Variants in DPF3 observed in about 807,000 individuals in gnomAD.
The protein encoded by DPF3 is zinc finger protein DPF3.
Under a neutral mutation model 56.8 loss-of-function variants are expected in DPF3, and 18 were observed. The observed-to-expected ratio is 0.32, with a 90% CI of 0.22 to 0.47. The LOEUF (loss-of-function observed/expected upper bound fraction) is 0.47, where lower values mean the gene tolerates loss of function less well. Ranked by LOEUF, DPF3 falls within the 20% of genes least tolerant of loss-of-function variation. DPF3 has a pLI of 1.00. For synonymous variants in DPF3, 188 were observed against 180.2 expected, an observed-to-expected ratio of 1.04 and a Z score of -0.35; for missense variants, 403 against 488.8, an observed-to-expected ratio of 0.82 and a Z score of 1.65.
At chr14:72,625,404 C>A (rs1266032678) in intron 9 of DPF3, among the ~76,000 whole-genome samples, 2 of 152,098 alleles carry the variant, frequency 1.3e-5, no homozygotes, top group African/African-American at 4.8e-5. Flanking sequence ...CTTCCTGTGT[C>A]CTCTAGACGC....
chr14:72,804,229 A>ACACG (rs1893001757), intron 1 of DPF3, among the ~76,000 whole-genome samples: 1 of 150,834 alleles, frequency 6.6e-6, no homozygotes, highest in South Asian at 2.1e-4. Flanking sequence ...ACACACGCAG[A>ACACG]CAAAGATTCC....
intron 7 of DPF3, among the ~76,000 whole-genome samples, chr14:72,674,756 G>A (rs1886838529): frequency 6.6e-6 from 1 of 152,248 alleles, no homozygotes; most frequent in South Asian, 2.1e-4. Context: ...CATGGTGTGA[G>A]GACAGGGAGA....
intron 1 of DPF3, among the ~76,000 whole-genome samples, chr14:72,876,039 TGAA>T (rs111949272): frequency 0.5 from 76,058 of 151,846 alleles, 20,082 homozygotes; most frequent in East Asian, 0.73. Context: ...TGGTTGTTGT[TGAA>T]GAAGAAGAAG....
chr14:72,800,785 G>A (rs116015797), intron 1 of DPF3, among the ~76,000 whole-genome samples: 2 of 32,026 alleles, frequency 6.2e-5, no homozygotes, highest in African/African-American at 1.2e-4. Flanking sequence ...TGGATGCATG[G>A]GTGGATGCAG....
At chr14:72,749,947 G>C (rs1890497726) in intron 3 of DPF3, among the ~76,000 whole-genome samples, 10 of 152,144 alleles carry the variant, frequency 6.6e-5, no homozygotes, top group Admixed American at 6.5e-4. Context: ...TGAGCACCTG[G>C]ATGTAGCTAT....
chr14:72,735,011 A>C (rs1178017661), intron 3 of DPF3, among the ~76,000 whole-genome samples: 1 of 152,166 alleles, frequency 6.6e-6, no homozygotes, highest in East Asian at 1.9e-4. Context: ...CAGCTTATAG[A>C]GGTTGAGAAC....
At chr14:72,750,345 A>G (rs73302126) in intron 3 of DPF3, among the ~76,000 whole-genome samples, 2,784 of 152,290 alleles carry the variant, frequency 0.018, 75 homozygotes, top group African/African-American at 0.064. Flanking sequence ...GTATAGTGCT[A>G]AAAGTCTTTG....
At chr14:72,708,819 T>C (rs568073121) in intron 6 of DPF3, among the ~76,000 whole-genome samples, 1 of 152,196 alleles carries the variant, frequency 6.6e-6, no homozygotes, top group African/African-American at 2.4e-5. Flanking sequence ...GCTCCCTTCA[T>C]GTCCTCCAGA....
chr14:72,855,492 G>T (rs985147166), intron 1 of DPF3, among the ~76,000 whole-genome samples: 2 of 152,188 alleles, frequency 1.3e-5, no homozygotes, highest in African/African-American at 4.8e-5. Context: ...TCTGTTTAGT[G>T]CATTGAAATG....
chr14:72,777,065 G>A lies in DPF3; in HGVS notation c.33-5172C>T, dbSNP rs543165137. Among the ~76,000 whole-genome samples the A allele has an allele frequency of 2.3e-4, 35 of 152,280 alleles. No homozygotes were observed. The South Asian group carries it at 4.6e-3, about 20-fold the overall frequency. On this transcript the variant is annotated intron_variant, in intron 1 of 10. Coordinates refer to ENST00000556509, the MANE Select transcript of DPF3 (RefSeq NM_001280542.3). ...ACCTTGGCCCATCACTACTATCTGT[G>A]CACAGAAGCAGAGATAAGCAGAGCT...
At chr14:72,845,278 C>T (rs1426699045) in intron 1 of DPF3, among the ~76,000 whole-genome samples, 1 of 152,182 alleles carries the variant, frequency 6.6e-6, no homozygotes, top group Non-Finnish European at 1.5e-5. Flanking sequence ...ATGAGGTACA[C>T]AGGGAGAAAA....
intron 1 of DPF3, among the ~76,000 whole-genome samples, chr14:72,793,774 T>C (rs1233273959): frequency 6.6e-6 from 1 of 152,216 alleles, no homozygotes; most frequent in Non-Finnish European, 1.5e-5. Flanking sequence ...AACGTGATTT[T>C]CATTGGACCT....
At chr14:72,764,241 G>T (rs1424927638) in intron 2 of DPF3, among the ~76,000 whole-genome samples, 1 of 152,126 alleles carries the variant, frequency 6.6e-6, no homozygotes, top group Non-Finnish European at 1.5e-5. Flanking sequence ...AATGGCCAAT[G>T]ATTTAATCAA....
chr14:72,750,453 G>A (rs1316083579), intron 3 of DPF3, among the ~76,000 whole-genome samples: 1 of 152,092 alleles, frequency 6.6e-6, no homozygotes, highest in Non-Finnish European at 1.5e-5. Flanking sequence ...TTTAAAACAT[G>A]TCAAGCACTT....
intron 6 of DPF3, among the ~76,000 whole-genome samples, chr14:72,713,274 T>C (rs568390989): frequency 3.3e-5 from 5 of 152,390 alleles, no homozygotes; most frequent in African/African-American, 1.2e-4. Context: ...ATGGGAGTCA[T>C]GGAGTTTGAG....
At chr14:72,732,178 CG>C (rs1889684201) in intron 3 of DPF3, among the ~76,000 whole-genome samples, 1 of 152,184 alleles carries the variant, frequency 6.6e-6, no homozygotes, top group Non-Finnish European at 1.5e-5. Context: ...AGAAAGGGTG[CG>C]GGGTAGATGT....
intron 8 of DPF3, among the ~76,000 whole-genome samples, chr14:72,658,827 C>T (rs964396841): frequency 2.6e-5 from 4 of 152,204 alleles, no homozygotes; most frequent in Non-Finnish European, 5.9e-5. Context: ...TTCCACCTTA[C>T]CCAGACTGGC....
chr14:72,893,939 C>G, intron 1 of DPF3, 118 bp downstream of exon 1: 1 of 1,183,814 alleles, frequency 8.4e-7, no homozygotes, highest in Non-Finnish European at 1.2e-6. Context: ...GAGAGAAGCC[C>G]CGCCGCGGCT....
At chr14:72,700,971 T>C (rs920604237) in intron 6 of DPF3, among the ~76,000 whole-genome samples, 4 of 152,204 alleles carry the variant, frequency 2.6e-5, no homozygotes, top group African/African-American at 4.8e-5. Flanking sequence ...CTCTGAAGTC[T>C]GGAGTGGAAT....
Sources: gnomAD v4.1 joint callset for allele counts (sites outside exome capture counted in the v4.1 genomes callset) on GRCh38, gnomAD v4.1.1 for gene constraint, MANE v1.5 for transcripts, NCBI Gene and HGNC (gene_info 2026-07-23, HGNC 2026-07-21) for gene names.